The following LGR4 variants were observed in gnomAD, a reference collection of about 807,000 sequenced individuals.
LGR4 encodes the protein leucine rich repeat containing G protein-coupled receptor 4.
In LGR4, 44 loss-of-function variants were observed where a neutral mutation model predicts 84.8. That is an observed-to-expected ratio of 0.52 (90% confidence interval 0.41 to 0.67). The LOEUF is 0.67. LGR4 is among the 30% of genes least tolerant of loss of function. The probability of loss-of-function intolerance (pLI) is 0.00; values close to 1 mark genes in which losing one functional copy is unlikely to be tolerated. For missense variants in LGR4, 1,032 were observed against 1,131.4 expected (o/e 0.91, Z 1.26); for synonymous variants, 429 against 434.3 (o/e 0.99, Z 0.15).
At chr11:27,463,010 A>T (rs1312205058) in intron 1 of LGR4, among the ~76,000 whole-genome samples, 4 of 143,652 alleles carry the variant, frequency 2.8e-5, no homozygotes, top group Admixed American at 7.4e-5. Context: ...AGGCAGTCAG[A>T]TCACTTGAGC....
chr11:27,434,707 A>T (rs1397877923), intron 1 of LGR4, among the ~76,000 whole-genome samples: 1 of 152,178 alleles, frequency 6.6e-6, no homozygotes, highest in African/African-American at 2.4e-5. Flanking sequence ...CCTTAAATCA[A>T]TACAATGCCT....
At chr11:27,409,305 G>C (rs1022586799) in intron 2 of LGR4, among the ~76,000 whole-genome samples, 34 of 152,056 alleles carry the variant, frequency 2.2e-4, no homozygotes, top group African/African-American at 8.0e-4. Flanking sequence ...CTGACTTCAA[G>C]TCCCAGCAAA....
intron 1 of LGR4, among the ~76,000 whole-genome samples, chr11:27,471,554 C>G (rs567332228): frequency 2.6e-5 from 4 of 152,370 alleles, no homozygotes; most frequent in African/African-American, 9.6e-5. Flanking sequence ...CCGGGACGCA[C>G]TACCTGGATG....
rs1336266893 is a variant in LGR4, at chr11:27,472,227, G to A, written c.76C>T (p.Pro26Ser). The change falls in exon 1 of 18, where the codon CCG becomes TCG. Residue 26 changes from proline (P) to serine (S), a missense_variant. Physicochemically the swap from Pro to Ser is moderately conservative, Grantham distance 74. Transcript: ENST00000379214. ...CTGCAGGGCGCCGCGCAGAGAGGCG[G>A]CGCCGCGCCGCTGGGCCCGGCCGAG... ...LGSAGPSGAA[P>S]PLCAAPCSCD... 1.5e-6 allele frequency: 2 copies of A among 1,311,514 alleles called. No homozygotes were observed. The highest frequency in any genetic ancestry group is 3.7e-5 in the East Asian group (1 of 27,116). 81.2% of individuals were successfully genotyped at this position (1,311,514 alleles called of 1,614,324 possible).
rs182942997 is a variant in LGR4, at chr11:27,461,300, C to T, written c.185+10818G>A. ...GGAGGATTGCTTGAGGCCAGGAGTT[C>T]GAGACCAGCCTGGACAACAAAATGA... On this transcript the variant is annotated intron_variant, in intron 1 of 17. Coordinates refer to ENST00000379214, the MANE Select transcript of LGR4 (RefSeq NM_018490.5). Among the ~76,000 whole-genome samples the T allele has an allele frequency of 4.7e-5, 7 of 150,492 alleles. No individual in the cohort carries two copies. In the East Asian group the frequency reaches 5.9e-4, roughly 13 times the overall value.
At chr11:27,428,337 C>T (rs934224804) in intron 1 of LGR4, among the ~76,000 whole-genome samples, 3 of 152,080 alleles carry the variant, frequency 2.0e-5, no homozygotes, top group Non-Finnish European at 4.4e-5. Flanking sequence ...CGATGTTTCA[C>T]CATGTTGGCC....
chr11:27,458,223 G>T (rs529164584), intron 1 of LGR4, among the ~76,000 whole-genome samples: 1 of 152,190 alleles, frequency 6.6e-6, no homozygotes, highest in South Asian at 2.1e-4. Context: ...TAGGCCAGAC[G>T]CAAAAGGTTA....
intron 1 of LGR4, among the ~76,000 whole-genome samples, chr11:27,415,064 C>T (rs545530070): frequency 8.5e-5 from 13 of 152,082 alleles, no homozygotes; most frequent in Non-Finnish European, 1.9e-4. Flanking sequence ...GTCACTCTCA[C>T]GGGAGATACA....
At chr11:27,418,884 G>A (rs1863871984) in intron 1 of LGR4, among the ~76,000 whole-genome samples, 1 of 142,090 alleles carries the variant, frequency 7.0e-6, no homozygotes, top group South Asian at 2.2e-4. Flanking sequence ...CCCCAGGCTA[G>A]AATGCAGTGG....
chr11:27,410,848 T>C (rs1238423688), intron 2 of LGR4, among the ~76,000 whole-genome samples: 1 of 152,116 alleles, frequency 6.6e-6, no homozygotes, highest in East Asian at 1.9e-4. Context: ...ATGACCTTGC[T>C]ACAAAGAATC....
chr11:27,409,697 A>G (rs1258837653), intron 2 of LGR4, among the ~76,000 whole-genome samples: 1 of 152,136 alleles, frequency 6.6e-6, no homozygotes, highest in Non-Finnish European at 1.5e-5. Context: ...TCTTGTCATA[A>G]CAAGACACAA....
At chr11:27,399,262 G>A (rs115229309) in intron 2 of LGR4, among the ~76,000 whole-genome samples, 1,995 of 152,226 alleles carry the variant, frequency 0.013, 43 homozygotes, top group African/African-American at 0.046. Context: ...CACATAGGAA[G>A]TATCACAGGT....
At chr11:27,450,035 G>A (rs868675872) in intron 1 of LGR4, among the ~76,000 whole-genome samples, 42 of 152,172 alleles carry the variant, frequency 2.8e-4, no homozygotes, top group Admixed American at 1.6e-3. Flanking sequence ...AAACGCTTTC[G>A]TTAAGTCTGA....
chr11:27,409,783 C>T (rs1288765447), intron 2 of LGR4, among the ~76,000 whole-genome samples: 1 of 152,120 alleles, frequency 6.6e-6, no homozygotes, highest in Non-Finnish European at 1.5e-5. Flanking sequence ...CCTACAACAC[C>T]CTTACTACTA....
intron 1 of LGR4, among the ~76,000 whole-genome samples, chr11:27,447,712 T>C (rs1042615470): frequency 6.6e-6 from 1 of 152,180 alleles, no homozygotes; most frequent in Non-Finnish European, 1.5e-5. Flanking sequence ...ATTCCTGTGG[T>C]CTCCGAGGCT....
Position 27,368,946 on chromosome 11 carries a change from T to A in LGR4, c.1777A>T (p.Ile593Phe). 6.2e-7 allele frequency: 1 copy of A among 1,614,090 alleles called. No individual in the cohort carries two copies. Among genetic ancestry groups the A allele is most frequent in the Non-Finnish European group, 8.5e-7 (1 of 1,179,992 alleles). Residue 593 changes from isoleucine (I) to phenylalanine (F), a missense_variant, in exon 18 of 18, where the codon ATC (isoleucine) becomes TTC (phenylalanine). Ile to Phe is a conservative substitution (Grantham distance 21, BLOSUM62 0). Transcript: ENST00000379214. ...SNLFMGIYTG[I>F]LTFLDAVSWG... ...GACACAGCATCAAGAAAAGTTAGGA[T>A]GCCAGTATAGATTCCCATGAATAAG...
chr11:27,394,787 C>T (rs899294930), intron 2 of LGR4, among the ~76,000 whole-genome samples: 1 of 152,038 alleles, frequency 6.6e-6, no homozygotes, highest in South Asian at 2.1e-4. Context: ...CTTGAACACT[C>T]GGAGCTCATA....
At chr11:27,469,308 C>T (rs1181681704) in intron 1 of LGR4, among the ~76,000 whole-genome samples, 2 of 152,154 alleles carry the variant, frequency 1.3e-5, no homozygotes, top group African/African-American at 2.4e-5. Context: ...GGAGAAGAAG[C>T]AGGTATTCTC....
Position 27,472,428 on chromosome 11 carries a change from C to T in LGR4, c.-126G>A. 1.5e-6 allele frequency: 1 copy of T among 675,418 alleles called. No homozygotes were observed. The highest frequency in any genetic ancestry group is 2.1e-6 in the Non-Finnish European group (1 of 485,098). The allele number at this position is 675,418 out of a possible 1,614,324, so 41.8% of individuals were successfully genotyped here. On this transcript the variant is annotated 5_prime_UTR_variant, in exon 1 of 18. Coordinates refer to ENST00000379214, the MANE Select transcript of LGR4 (RefSeq NM_018490.5). The stretch of plus-strand genomic sequence containing the variant: ...AGCGGGGGTCTCTTCCTCGGCGGTC[C>T]GCGCGGGCTCGGCCCCTTCAGCAGT...
Sources: allele counts gnomAD v4.1 joint callset (sites outside exome capture counted in the v4.1 genomes callset), GRCh38; gene constraint gnomAD v4.1.1; transcripts MANE v1.5; gene names NCBI Gene and HGNC (gene_info 2026-07-23, HGNC 2026-07-21).